Variants in KDR observed in about 807,000 individuals in gnomAD.
KDR encodes the protein vascular endothelial growth factor receptor 2.
KDR carries 43 observed loss-of-function variants against 160.9 expected under a neutral mutation model. That is an observed-to-expected ratio of 0.27 (90% CI 0.21 to 0.34). The LOEUF is 0.34. KDR is among the 10% of genes least tolerant of loss of function. KDR has a pLI of 1.00. For missense variants in KDR, 1,469 were observed against 1,666.4 expected (o/e 0.88, Z 2.06); for synonymous variants, 617 against 600.1 (o/e 1.03, Z -0.41).
intron 26 of KDR, among the ~76,000 whole-genome samples, chr4:55,088,089 C>T (rs1248831856): frequency 6.6e-6 from 1 of 152,278 alleles, no homozygotes; most frequent in East Asian, 1.9e-4. Flanking sequence ...ATTCACAAAG[C>T]CCTAACCACA....
rs1202582003 is a variant in KDR, at chr4:55,115,259, G to A, written c.489+22C>T. 3.8e-6 allele frequency: 6 copies of A among 1,589,240 alleles called. No individual in the cohort carries two copies. The African/African-American group carries it at 4.0e-5, about 11-fold the overall frequency. ...TTAAAATTATAAAAACTTAAGAGAC[G>A]ATTGGAGGAGATGCAACTTACTGCA... is the stretch of plus-strand genomic sequence containing the variant. On this transcript the variant is annotated intron_variant, in intron 4 of 29. Coordinates refer to ENST00000263923, the MANE Select transcript of KDR (RefSeq NM_002253.4).
intron 27 of KDR, 135 bp downstream of exon 27, chr4:55,087,472 T>C (rs759220981): frequency 6.7e-5 from 51 of 764,210 alleles, no homozygotes; most frequent in Non-Finnish European, 1.0e-4. Flanking sequence ...CCCCATTATG[T>C]TAACCTCAGG....
chr4:55,122,171 A>G (rs1179511191), intron 1 of KDR, among the ~76,000 whole-genome samples: 1 of 152,222 alleles, frequency 6.6e-6, no homozygotes, highest in African/African-American at 2.4e-5. Flanking sequence ...GATAAGAACC[A>G]GAAAAGTACC....
chr4:55,089,305 A>G, intron 25 of KDR, 69 bp downstream of exon 25: 3 of 1,137,918 alleles, frequency 2.6e-6, no homozygotes, highest in Non-Finnish European at 1.3e-6. Context: ...TATATAATGG[A>G]AAGTCTTCCA....
rs368552298 is a variant in KDR, at chr4:55,118,597, C to G, written c.358+7G>C. ...ACGTGGGAAATGAATTTTATTTCAC[C>G]ACTTACCTTGAACATAGACATAAAT... is the stretch of plus-strand genomic sequence containing the variant. On this transcript the variant is annotated splice_region_variant and intron_variant, in intron 3 of 29. Coordinates refer to ENST00000263923, the MANE Select transcript of KDR (RefSeq NM_002253.4). 7.5e-6 allele frequency: 12 copies of G among 1,608,780 alleles called. No individual in the cohort carries two copies. Among genetic ancestry groups the G allele is most frequent in the East Asian group, 2.2e-5 (1 of 44,848 alleles).
At chr4:55,098,979 TTTAA>T (rs1448787513) in intron 15 of KDR, among the ~76,000 whole-genome samples, 176 bp from the exon 16 acceptor site, 73 of 144,414 alleles carry the variant, frequency 5.1e-4, no homozygotes, top group African/African-American at 1.5e-3. Context: ...TTTTTTTGAA[TTTAA>T]TTTATTTATT....
At chr4:55,089,857 A>G (rs1719963958) in intron 23 of KDR, 55 bp from the exon 24 acceptor site, 4 of 1,606,886 alleles carry the variant, frequency 2.5e-6, no homozygotes, top group Middle Eastern at 3.3e-4. Context: ...ATCTGAAGAA[A>G]AAAACTTCCT....
Position 55,114,274 on chromosome 4 carries a change from A to T in KDR, c.659-9T>A. 6.2e-7 allele frequency: 1 copy of T among 1,613,452 alleles called. No homozygotes were observed. The highest frequency in any genetic ancestry group is 1.7e-5 in the Admixed American group (1 of 60,010). ...ATCATAAATCCTATACCCTAGAGCAAGTAAATTGAAAAAACAGAACATGAG... is the reference window on the plus strand; with the variant it reads ...ATCATAAATCCTATACCCTAGAGCATGTAAATTGAAAAAACAGAACATGAG... On this transcript the variant is annotated splice_polypyrimidine_tract_variant and intron_variant, in intron 5 of 29. Coordinates refer to ENST00000263923, the MANE Select transcript of KDR (RefSeq NM_002253.4).
chr4:55,121,272 C>G, intron 1 of KDR, 82 bp from the exon 2 acceptor site: 2 of 945,958 alleles, frequency 2.1e-6, no homozygotes, highest in South Asian at 2.6e-5. Context: ...AATGCATACT[C>G]TATACTTTAA....
At chr4:55,088,499 T>C (rs1719923485) in intron 26 of KDR, among the ~76,000 whole-genome samples, 1 of 152,196 alleles carries the variant, frequency 6.6e-6, no homozygotes, top group Non-Finnish European at 1.5e-5. Flanking sequence ...CTCTTTTGCA[T>C]AGCTTAGATG....
At position 55,078,689 on chromosome 4, in the gene KDR, C is replaced by T. The variant is rs1719642858; in HGVS notation, c.*1252G>A. On this transcript the variant is annotated 3_prime_UTR_variant, in exon 30 of 30. Coordinates refer to ENST00000263923, the MANE Select transcript of KDR (RefSeq NM_002253.4). ...TATAGTCATTGTTCCCAGCATTTCA[C>T]ACTATGGTACCAAACAAAAAACACA... 4.3e-6 allele frequency: 1 copy of T among 232,362 alleles called. No individual in the cohort carries two copies. The highest frequency in any genetic ancestry group is 1.8e-4 in the South Asian group (1 of 5,512). 14.4% of individuals were successfully genotyped at this position (232,362 alleles called of 1,614,324 possible).
chr4:55,117,068 T>C (rs78590050), intron 3 of KDR, among the ~76,000 whole-genome samples: 25,133 of 152,196 alleles, frequency 0.17, 2,903 homozygotes, highest in East Asian at 0.45. Flanking sequence ...TTATGAAATA[T>C]TACATAACTT....
intron 1 of KDR, among the ~76,000 whole-genome samples, chr4:55,122,484 A>G (rs1720908994): frequency 6.6e-6 from 1 of 152,194 alleles, no homozygotes; most frequent in African/African-American, 2.4e-5. Context: ...GAAGTATGAG[A>G]CGGAATAAAT....
Position 55,121,085 on chromosome 4 carries a change from A to G in KDR, c.161+12T>C, listed in dbSNP as rs768928064. On this transcript the variant is annotated intron_variant, in intron 2 of 29. Coordinates refer to ENST00000263923, the MANE Select transcript of KDR (RefSeq NM_002253.4). The stretch of plus-strand genomic sequence containing the variant: ...TTAACACAAGAAATCTAGATCTAGA[A>G]TGAATCCTTACCTGCAAGTAATTTG... 12 of 1,562,944 alleles carry G rather than the reference A, an allele frequency of 7.7e-6. No individual in the cohort carries two copies. The highest frequency in any genetic ancestry group is 5.0e-5 in the Admixed American group (3 of 59,890).
At chr4:55,110,953 C>T (rs375652854) in intron 7 of KDR, among the ~76,000 whole-genome samples, 185 bp from the exon 8 acceptor site, 19 of 152,142 alleles carry the variant, frequency 1.2e-4, no homozygotes, top group South Asian at 4.1e-4. Context: ...TTCTCCCACA[C>T]CTCCTGTGTT....
rs1215427030 is a variant in KDR at position 55,082,630 on chromosome 4, T to C, written c.3668A>G (p.Tyr1223Cys). 6.2e-7 allele frequency: 1 copy of C among 1,611,226 alleles called. No homozygotes were observed. The highest frequency in any genetic ancestry group is 1.3e-5 in the African/African-American group (1 of 75,010). The change falls in exon 28 of 30, where the codon TAT becomes TGT. Residue 1223 changes from tyrosine (Y) to cysteine (C), a missense_variant. Transcript: ENST00000263923. ...HYDNTAGISQ[Y>C]LQNSKRKSRP... ...GCTCTTTCGCTTACTGTTCTGCAGA[T>C]ACTGACTGCAAAAGAACAAATATTT...
At chr4:55,116,463 C>T (rs1419267958) in intron 3 of KDR, among the ~76,000 whole-genome samples, 1 of 151,116 alleles carries the variant, frequency 6.6e-6, no homozygotes, top group Non-Finnish European at 1.5e-5. Flanking sequence ...AAACATTACT[C>T]ATACAATGTT....
intron 22 of KDR, among the ~76,000 whole-genome samples, 158 bp from the exon 23 acceptor site, chr4:55,090,236 T>G (rs1265425411): frequency 6.6e-6 from 1 of 152,198 alleles, no homozygotes; most frequent in Non-Finnish European, 1.5e-5. Context: ...GAAAAAAGTC[T>G]GTGAGCTTTG....
chr4:55,125,401 C>A lies in KDR; in HGVS notation c.-108G>T. The stretch of plus-strand genomic sequence containing the variant: ...AGGTGGAACTCGCGGCACCCCGCAG[C>A]GCAGGACAGTTGAGCGCACAGGGCT... On this transcript the variant is annotated 5_prime_UTR_variant, in exon 1 of 30. Transcript: ENST00000263923. The A allele has an allele frequency of 7.2e-7, 1 of 1,386,198 alleles. No homozygotes were observed. 85.9% of individuals were successfully genotyped at this position (1,386,198 alleles called of 1,614,324 possible).
Sources: gnomAD v4.1 joint callset for allele counts (sites outside exome capture counted in the v4.1 genomes callset) on GRCh38, gnomAD v4.1.1 for gene constraint, MANE v1.5 for transcripts, NCBI Gene and HGNC (gene_info 2026-07-23, HGNC 2026-07-21) for gene names.